B3GALT1: variants seen among roughly 807,000 people sequenced by gnomAD.
The protein encoded by B3GALT1 is beta-1,3-galactosyltransferase 1, also known as UDP-Gal:betaGlcNAc beta 1,3-galactosyltransferase, polypeptide 1.
B3GALT1 carries 10 observed loss-of-function variants against 23.2 expected under a neutral mutation model. That is an observed-to-expected ratio of 0.43 (90% CI 0.27 to 0.73). The LOEUF is 0.73. B3GALT1 is among the 30% of genes least tolerant of loss of function. The pLI is 0.21. For synonymous variants in B3GALT1, 156 were observed against 141.5 expected, an observed-to-expected ratio of 1.10 and a Z score of -0.73; for missense variants, 299 against 405.4, an observed-to-expected ratio of 0.74 and a Z score of 2.25.
At chr2:167,612,699 T>C (rs1343354075) in intron 2 of B3GALT1, among the ~76,000 whole-genome samples, 1 of 151,942 alleles carries the variant, frequency 6.6e-6, no homozygotes, top group African/African-American at 2.4e-5. Flanking sequence ...CAATGGAATT[T>C]TAAAAAATTG....
intron 1 of B3GALT1, among the ~76,000 whole-genome samples, chr2:167,442,444 G>A (rs557346793): frequency 0.017 from 2,552 of 151,972 alleles, 74 homozygotes; most frequent in African/African-American, 0.059. Context: ...GATCCCTGAG[G>A]AATCGCCACA....
intron 1 of B3GALT1, among the ~76,000 whole-genome samples, chr2:167,317,744 T>G (rs1696740993): frequency 6.6e-6 from 1 of 152,136 alleles, no homozygotes; most frequent in Non-Finnish European, 1.5e-5. Context: ...CTGCTTCTTG[T>G]GCATGAAGGG....
chr2:167,705,906 C>T (rs1177658992), intron 3 of B3GALT1, among the ~76,000 whole-genome samples: 6 of 152,270 alleles, frequency 3.9e-5, no homozygotes, highest in East Asian at 1.9e-4. Flanking sequence ...CTATTGGACA[C>T]GATATTGGAC....
intron 3 of B3GALT1, chr2:167,714,723 A>C: frequency 6.2e-7 from 1 of 1,613,884 alleles, no homozygotes; most frequent in Non-Finnish European, 8.5e-7. Context: ...TTTTGATAAA[A>C]ATGAACAGTT....
intron 2 of B3GALT1, among the ~76,000 whole-genome samples, chr2:167,493,889 T>C (rs1699743199): frequency 6.6e-6 from 1 of 152,170 alleles, no homozygotes. Context: ...TTCTCCACTT[T>C]TATCAAGCTC....
At chr2:167,815,672 C>G (rs1252055742) in intron 3 of B3GALT1, among the ~76,000 whole-genome samples, 3 of 152,142 alleles carry the variant, frequency 2.0e-5, no homozygotes, top group African/African-American at 7.2e-5. Context: ...ATTTCTCAGC[C>G]ATAAACAGCA....
At chr2:167,549,107 C>T (rs1683701439) in intron 2 of B3GALT1, among the ~76,000 whole-genome samples, 1 of 152,184 alleles carries the variant, frequency 6.6e-6, no homozygotes, top group Non-Finnish European at 1.5e-5. Context: ...TAACTCATTA[C>T]TGACAACACA....
chr2:167,587,941 G>A (rs1684609372), intron 2 of B3GALT1, among the ~76,000 whole-genome samples: 1 of 152,294 alleles, frequency 6.6e-6, no homozygotes, highest in African/African-American at 2.4e-5. Context: ...GTAGCTTGTG[G>A]AGACAGAGAA....
chr2:167,630,160 T>G (rs1022325779), intron 2 of B3GALT1, among the ~76,000 whole-genome samples: 5 of 151,764 alleles, frequency 3.3e-5, no homozygotes, highest in Non-Finnish European at 7.4e-5. Context: ...TTGTAAGGAT[T>G]AAATGAGATT....
At chr2:167,570,714 A>G (rs922124930) in intron 2 of B3GALT1, among the ~76,000 whole-genome samples, 1 of 151,898 alleles carries the variant, frequency 6.6e-6, no homozygotes, top group Admixed American at 6.6e-5. Context: ...AGTTCTTTAG[A>G]AAGATTTTAA....
chr2:167,536,917 A>T (rs777923564), intron 2 of B3GALT1, among the ~76,000 whole-genome samples: 2 of 152,042 alleles, frequency 1.3e-5, no homozygotes, highest in Admixed American at 6.6e-5. Flanking sequence ...CTGAAACTCT[A>T]TTTCGGAAGG....
Position 167,790,768 on chromosome 2 carries a change from C to A in B3GALT1, c.-351-27904C>A, listed in dbSNP as rs146925392. 2.8e-3 allele frequency among the ~76,000 whole-genome samples: 420 copies of A among 152,266 alleles called. 3 individuals carry two copies. The highest frequency in any genetic ancestry group is 9.7e-3 in the African/African-American group (404 of 41,560). On this transcript the variant is annotated intron_variant, in intron 3 of 4. Coordinates refer to ENST00000392690, the MANE Select transcript of B3GALT1 (RefSeq NM_020981.4). The stretch of plus-strand genomic sequence containing the variant: ...GCTCCTTCCATCAAAACCTCTTCCT[C>A]CTTTTTCTGTCTAATTTGCCATTTA...
intron 1 of B3GALT1, among the ~76,000 whole-genome samples, chr2:167,408,657 T>A (rs1205093939): frequency 1.3e-5 from 2 of 151,620 alleles, no homozygotes; most frequent in Admixed American, 1.3e-4. Flanking sequence ...GATACAAAAT[T>A]AACATACAAA....
chr2:167,578,545 G>A (rs1434840863), intron 2 of B3GALT1, among the ~76,000 whole-genome samples: 1 of 151,282 alleles, frequency 6.6e-6, no homozygotes, highest in African/African-American at 2.4e-5. Context: ...TGGAGGGTAG[G>A]GGAGCTCACC....
At chr2:167,593,636 C>G (rs1181488791) in intron 2 of B3GALT1, among the ~76,000 whole-genome samples, 1 of 152,050 alleles carries the variant, frequency 6.6e-6, no homozygotes, top group African/African-American at 2.4e-5. Context: ...AATAAAATTA[C>G]TGAGATAATA....
At chr2:167,401,395 T>G (rs2105289340) in intron 1 of B3GALT1, among the ~76,000 whole-genome samples, 1 of 152,212 alleles carries the variant, frequency 6.6e-6, no homozygotes. Context: ...TTTTGTGAAT[T>G]CTGTGTAGAG....
At chr2:167,791,692 A>G (rs1340150618) in intron 3 of B3GALT1, among the ~76,000 whole-genome samples, 1 of 152,216 alleles carries the variant, frequency 6.6e-6, no homozygotes, top group Non-Finnish European at 1.5e-5. Flanking sequence ...AATTATTTCC[A>G]CATAAAGTGA....
At chr2:167,497,536 C>G (rs150297863) in intron 2 of B3GALT1, among the ~76,000 whole-genome samples, 75 of 152,172 alleles carry the variant, frequency 4.9e-4, no homozygotes, top group African/African-American at 1.7e-3. Flanking sequence ...CTTAGAAGTT[C>G]TGCTTCAGGC....
intron 1 of B3GALT1, among the ~76,000 whole-genome samples, chr2:167,461,888 G>GT (rs1261520629): frequency 6.6e-6 from 1 of 152,128 alleles, no homozygotes; most frequent in African/African-American, 2.4e-5. Flanking sequence ...ATGTACCTAT[G>GT]TGTATGAACA....
Sources: allele counts gnomAD v4.1 joint callset (sites outside exome capture counted in the v4.1 genomes callset), GRCh38; gene constraint gnomAD v4.1.1; transcripts MANE v1.5; gene names NCBI Gene and HGNC (gene_info 2026-07-23, HGNC 2026-07-21).